Variants in ARHGEF10 observed in about 807,000 individuals in gnomAD.
ARHGEF10 encodes the protein Rho guanine nucleotide exchange factor 10.
ARHGEF10 carries 140 observed loss-of-function variants against 147.4 expected under a neutral mutation model. The ratio of observed to expected loss-of-function variants is 0.95; its 90% CI spans 0.83 to 1.09. The LOEUF (loss-of-function observed/expected upper bound fraction) is 1.09, where lower values mean the gene tolerates loss of function less well. Among genes scored for constraint, ARHGEF10 ranks in the 50% least tolerant of loss-of-function variants. ARHGEF10 has a pLI of 0.00. For missense variants in ARHGEF10, 2,222 were observed against 1,752.7 expected, an observed-to-expected ratio of 1.27 and a Z score of -4.78; for synonymous variants, 902 against 695.8, an observed-to-expected ratio of 1.30 and a Z score of -4.67.
chr8:1,887,126 C>T (rs1808732974), intron 11 of ARHGEF10, among the ~76,000 whole-genome samples: 1 of 152,196 alleles, frequency 6.6e-6, no homozygotes, highest in Admixed American at 6.5e-5. Flanking sequence ...ATGTGGGGTA[C>T]CTATTCTGGT....
chr8:1,934,690 C>A (rs1303996009), intron 26 of ARHGEF10, among the ~76,000 whole-genome samples: 1 of 152,190 alleles, frequency 6.6e-6, no homozygotes, highest in Non-Finnish European at 1.5e-5. Context: ...CCTCTAAACA[C>A]TCCAGATGGA....
At chr8:1,839,602 CTG>C in intron 1 of ARHGEF10, among the ~76,000 whole-genome samples, 1 of 121,038 alleles carries the variant, frequency 8.3e-6, no homozygotes, top group African/African-American at 3.4e-5. Flanking sequence ...GTGGGACTGT[CTG>C]CTGTGGGGAC....
intron 1 of ARHGEF10, among the ~76,000 whole-genome samples, chr8:1,827,875 G>T (rs1428550297): frequency 6.6e-6 from 1 of 152,186 alleles, no homozygotes; most frequent in African/African-American, 2.4e-5. Flanking sequence ...GCTGTGACTG[G>T]TGCGGGGGCC....
chr8:1,888,095 T>C (rs973811920), intron 11 of ARHGEF10, among the ~76,000 whole-genome samples: 7 of 119,852 alleles, frequency 5.8e-5, no homozygotes, highest in Non-Finnish European at 1.2e-4. Context: ...CTAGGTAGGG[T>C]GAATGTTTTG....
At chr8:1,835,372 G>A (rs1468808429) in intron 1 of ARHGEF10, among the ~76,000 whole-genome samples, 1 of 152,176 alleles carries the variant, frequency 6.6e-6, no homozygotes, top group Non-Finnish European at 1.5e-5. Context: ...GAGGCCGTGG[G>A]GGTACAGGCA....
chr8:1,857,871 GATCGATCGATCTATCT>G, intron 2 of ARHGEF10, 73 bp from the exon 3 acceptor site: 5 of 425,214 alleles, frequency 1.2e-5, no homozygotes, highest in African/African-American at 3.2e-5. Context: ...GGCTAACATA[GATCGATCGATCTATCT>G]ATCTATCTAT....
chr8:1,877,731 G>C (rs1300531777), intron 8 of ARHGEF10, among the ~76,000 whole-genome samples: 1 of 151,266 alleles, frequency 6.6e-6, no homozygotes, highest in Non-Finnish European at 1.5e-5. Flanking sequence ...TTTTGTTAGA[G>C]TTTTTTTTGA....
chr8:1,946,337 C>T (rs904767226), intron 27 of ARHGEF10, among the ~76,000 whole-genome samples: 1 of 152,222 alleles, frequency 6.6e-6, no homozygotes, highest in Non-Finnish European at 1.5e-5. Context: ...AGGGCTCTGC[C>T]TCCGAGCCCT....
rs1808596508 is a variant in ARHGEF10, at chr8:1,885,667, C to G, written c.1142C>G (p.Ala381Gly). 6.2e-7 allele frequency: 1 copy of G among 1,613,844 alleles called. No homozygotes were observed. The highest frequency in any genetic ancestry group is 1.3e-5 in the African/African-American group (1 of 74,890). ...FIDVDCKHPE[A>G]ILTPMPEGLS... ...GATGTTGACTGCAAGCACCCGGAAG[C>G]CATCTTGACCCCGATGCCCGAGGGT... is the stretch of plus-strand genomic sequence containing the variant. The change falls in exon 11 of 29, where the codon GCC (alanine) becomes GGC (glycine). Residue 381 changes from alanine to glycine, a missense_variant. Ala to Gly is a moderately conservative substitution (Grantham distance 60). Transcript: ENST00000349830.
chr8:1,841,965 G>GAACCACGAGGCCA (rs1804106480), intron 1 of ARHGEF10, among the ~76,000 whole-genome samples: 1 of 64,298 alleles, frequency 1.6e-5, no homozygotes, highest in Non-Finnish European at 3.2e-5. Flanking sequence ...GGCCGCGACC[G>GAACCACGAGGCCA]GAACTGGGGC....
Position 1,957,388 on chromosome 8 carries a change from G to A in ARHGEF10, c.*125G>A. The A allele has an allele frequency of 1.5e-6, 2 of 1,377,950 alleles. No individual in the cohort carries two copies. The highest frequency in any genetic ancestry group is 2.5e-5 in the East Asian group (1 of 40,000). The allele number at this position is 1,377,950 out of a possible 1,614,324, so 85.4% of individuals were successfully genotyped here. On this transcript the variant is annotated 3_prime_UTR_variant, in exon 29 of 29. Transcript: ENST00000349830. Reference sequence around the variant, plus strand: ...AATAAATTAAAAACAGTATTTGGGGGAGAAACGTGCAATAGCGTAATGGTG... The same window carrying A: ...AATAAATTAAAAACAGTATTTGGGGAAGAAACGTGCAATAGCGTAATGGTG...
At chr8:1,848,636 G>A (rs915715397) in intron 2 of ARHGEF10, among the ~76,000 whole-genome samples, 1 of 151,956 alleles carries the variant, frequency 6.6e-6, no homozygotes, top group African/African-American at 2.4e-5. Context: ...TCTAAATTGG[G>A]TAATTAAAAA....
intron 14 of ARHGEF10, among the ~76,000 whole-genome samples, chr8:1,897,310 GC>G (rs1423181606): frequency 6.6e-6 from 1 of 152,222 alleles, no homozygotes; most frequent in Non-Finnish European, 1.5e-5. Flanking sequence ...ACAGTCTGTG[GC>G]CCATGGAGGT....
intron 16 of ARHGEF10, among the ~76,000 whole-genome samples, chr8:1,905,320 C>G (rs183218850): frequency 4.9e-4 from 75 of 152,248 alleles, no homozygotes; most frequent in Admixed American, 2.4e-3. Flanking sequence ...AGTAAAATTA[C>G]AAAACAATTC....
intron 7 of ARHGEF10, among the ~76,000 whole-genome samples, chr8:1,873,498 C>T (rs377097769): frequency 0.028 from 2,188 of 78,174 alleles, 155 homozygotes; most frequent in African/African-American, 0.14. Flanking sequence ...GTAGTGCACC[C>T]GCATTTCCTC....
At position 1,905,565 on chromosome 8, in the gene ARHGEF10, G is replaced by A. The variant is rs1287444171; in HGVS notation, c.1822-6G>A. 1 of 1,614,134 alleles carries A rather than the reference G, an allele frequency of 6.2e-7. No individual in the cohort carries two copies. The highest frequency in any genetic ancestry group is 2.2e-5 in the East Asian group (1 of 44,876). On this transcript the variant is annotated splice_region_variant and splice_polypyrimidine_tract_variant and intron_variant, in intron 16 of 28. Transcript: ENST00000349830. ...GTGGTCCCTGGGCTGTGTTTTGAATGTCCAGCTTCTCAGCAGTGGAAGCCG... is the reference window on the plus strand; with the variant it reads ...GTGGTCCCTGGGCTGTGTTTTGAATATCCAGCTTCTCAGCAGTGGAAGCCG...
intron 27 of ARHGEF10, among the ~76,000 whole-genome samples, chr8:1,952,044 T>G (rs1815101950): frequency 6.6e-6 from 1 of 151,912 alleles, no homozygotes; most frequent in Non-Finnish European, 1.5e-5. Context: ...TTGTTTAGTT[T>G]CTCTGGGCTT....
chr8:1,921,735 C>CT (rs1554507538), intron 18 of ARHGEF10, among the ~76,000 whole-genome samples: 3 of 149,440 alleles, frequency 2.0e-5, no homozygotes, highest in South Asian at 4.2e-4. Context: ...CACTTCGTCT[C>CT]AAAAAAAAAG....
rs989143907 is a variant in ARHGEF10 at position 1,862,078 on chromosome 8, G to C, written c.481+1894G>C. The stretch of plus-strand genomic sequence containing the variant: ...GCAGGTGGTTCTCCGGTTGCGTTTT[G>C]ATCATTGAATGAGGGATGTGAACGC... On this transcript the variant is annotated intron_variant, in intron 4 of 28. Transcript: ENST00000349830. Among the ~76,000 whole-genome samples the C allele has an allele frequency of 3.3e-5, 5 of 152,222 alleles. No individual in the cohort carries two copies. The South Asian group carries it at 1.0e-3, about 31-fold the overall frequency.
Sources: allele counts gnomAD v4.1 joint callset (sites outside exome capture counted in the v4.1 genomes callset), GRCh38; gene constraint gnomAD v4.1.1; transcripts MANE v1.5; gene names NCBI Gene and HGNC (gene_info 2026-07-23, HGNC 2026-07-21).